BICD2: variants seen among roughly 807,000 people sequenced by gnomAD.
The protein encoded by BICD2 is BICD cargo adaptor 2.
BICD2 carries 25 observed loss-of-function variants against 72.9 expected under a neutral mutation model. The ratio of observed to expected loss-of-function variants is 0.34; its 90% confidence interval spans 0.25 to 0.48. The LOEUF (loss-of-function observed/expected upper bound fraction) is 0.48, where lower values mean the gene tolerates loss of function less well. BICD2 is among the 20% of genes least tolerant of loss of function. The pLI is 0.99. For missense variants in BICD2, 894 were observed against 1,175.2 expected (o/e 0.76, Z 3.50); for synonymous variants, 501 against 516.1 (o/e 0.97, Z 0.40).
At position 92,713,075 on chromosome 9, in the gene BICD2, A is replaced by C; in HGVS notation, c.*2079T>G. 4.5e-6 allele frequency: 1 copy of C among 221,702 alleles called. No homozygotes were observed. The allele number at this position is 221,702 out of a possible 1,614,324, so 13.7% of individuals were successfully genotyped here. ...ACCTGAGACCGTCTCTACGCGAGGA[A>C]TTAAGGAAGCAAATATAATATCAAA... On this transcript the variant is annotated 3_prime_UTR_variant, in exon 7 of 7. Transcript: ENST00000356884.
intron 1 of BICD2, among the ~76,000 whole-genome samples, chr9:92,744,605 G>A (rs1304779548): frequency 6.6e-6 from 1 of 152,172 alleles, no homozygotes; most frequent in Admixed American, 6.5e-5. Flanking sequence ...ACTTTGGGAG[G>A]CCGAGGCGGG....
At position 92,714,979 on chromosome 9, in the gene BICD2, C is replaced by T. The variant is rs1192550074; in HGVS notation, c.*175G>A. On this transcript the variant is annotated 3_prime_UTR_variant, in exon 7 of 7. Coordinates refer to ENST00000356884, the MANE Select transcript of BICD2 (RefSeq NM_001003800.2). ...TGAGGGGGCTTTGAGGAGTGAGAAGCGACACAAAGCTCTCACAAGTGTCCT... is the reference window on the plus strand; with the variant it reads ...TGAGGGGGCTTTGAGGAGTGAGAAGTGACACAAAGCTCTCACAAGTGTCCT... 2.4e-5 allele frequency: 34 copies of T among 1,402,514 alleles called. No individual in the cohort carries two copies. The East Asian group carries it at 4.5e-4, about 19-fold the overall frequency. 86.9% of individuals were successfully genotyped at this position (1,402,514 alleles called of 1,614,324 possible). A position where few individuals can be genotyped will look rare whatever the true frequency, so the allele number is the denominator to read the frequency against.
At chr9:92,722,926 C>T in intron 2 of BICD2, 118 bp from the exon 3 acceptor site, 1 of 1,300,700 alleles carries the variant, frequency 7.7e-7, no homozygotes, top group South Asian at 1.3e-5. Context: ...CCCTGGCCTG[C>T]AGGTGCCAGT....
chr9:92,718,449 G>C (rs1055063764), intron 5 of BICD2, 90 bp downstream of exon 5: 3 of 1,468,474 alleles, frequency 2.0e-6, no homozygotes, highest in African/African-American at 1.4e-5. Context: ...GCCTGGGGGG[G>C]CCCCGTGGCA....
In BICD2 at chr9:92,764,535, A is replaced by G; in HGVS notation, c.210T>C (p.Ala70=). The G allele has an allele frequency of 6.5e-7, 1 of 1,539,126 alleles. No homozygotes were observed. The highest frequency in any genetic ancestry group is 1.2e-5 in the South Asian group (1 of 82,388). The change falls in exon 1 of 7, where the codon GCT becomes GCC. Residue 70 remains alanine (A), a synonymous_variant. Coordinates refer to ENST00000356884, the MANE Select transcript of BICD2 (RefSeq NM_001003800.2). The surrounding 1 kb of genome is among the most constrained non-coding windows in gnomAD (Gnocchi z 5.5). The part of the protein sequence containing the change: ...QFEELEVDYE[A]IRSEMEQLKE... ...TGAGCTGCTCCATCTCGCTGCGGAT[A>G]GCCTCATAGTCCACCTCGAGCTCCT...
chr9:92,757,177 G>A (rs1331405973), intron 1 of BICD2, among the ~76,000 whole-genome samples: 1 of 152,134 alleles, frequency 6.6e-6, no homozygotes, highest in East Asian at 1.9e-4. Context: ...AGCCAGGTGT[G>A]GCAGTGTGCA....
chr9:92,742,088 TAAGTTGG>T (rs1484023574), intron 1 of BICD2, among the ~76,000 whole-genome samples: 1 of 152,196 alleles, frequency 6.6e-6, no homozygotes, highest in Admixed American at 6.5e-5. Flanking sequence ...AGACAGAATG[TAAGTTGG>T]AAGGTAAGAT....
At position 92,726,102 on chromosome 9, in the gene BICD2, TAG is replaced by T. The variant is rs140924037; in HGVS notation, c.453+2920_453+2921del. Among the ~76,000 whole-genome samples the T allele has an allele frequency of 4.6e-4, 70 of 152,220 alleles. 2 individuals are homozygous for T. In the East Asian group the frequency reaches 0.011, roughly 24 times the overall value. On this transcript the variant is annotated intron_variant, in intron 2 of 6. Coordinates refer to ENST00000356884, the MANE Select transcript of BICD2 (RefSeq NM_001003800.2). Reference sequence around the variant, plus strand: ...GTAGGGCCCACACATACACAGCGGTTAGAGTCAGGATCTGAGAAGCACCTCAC... The same window carrying T: ...GTAGGGCCCACACATACACAGCGGTTAGTCAGGATCTGAGAAGCACCTCAC...
At chr9:92,753,428 T>C (rs1854189825) in intron 1 of BICD2, among the ~76,000 whole-genome samples, 1 of 152,206 alleles carries the variant, frequency 6.6e-6, no homozygotes, top group Admixed American at 6.5e-5. Flanking sequence ...CAGCTGGGTG[T>C]GGGGTATACA....
Position 92,719,502 on chromosome 9 carries a change from T to C in BICD2, c.1143A>G (p.Ser381=). 5 of 1,613,914 alleles carry C rather than the reference T, an allele frequency of 3.1e-6. No individual in the cohort carries two copies. In the South Asian group the frequency reaches 5.5e-5, roughly 18 times the overall value. The change falls in exon 5 of 7, where the codon TCA becomes TCG. Residue 381 remains serine (S), a synonymous_variant. Coordinates refer to ENST00000356884, the MANE Select transcript of BICD2 (RefSeq NM_001003800.2). ...KQLEHTRGSL[S]EQQEKVTRLT... ...GGCGGGTCACCTTCTCCTGCTGTTC[T>C]GACAGGGAGCCCCGCGTGTGCTCCA...
Position 92,719,433 on chromosome 9 carries a change from C to T in BICD2, c.1212G>A (p.Lys404=), listed in dbSNP as rs1024172888. 2.5e-6 allele frequency: 4 copies of T among 1,614,054 alleles called. No homozygotes were observed. The highest frequency in any genetic ancestry group is 2.7e-5 in the African/African-American group (2 of 74,944). ...LSALRRLQAS[K]ERQTALDNEK... is the part of the protein sequence containing the mutation. ...CGTTGTCCAGGGCTGTCTGCCGCTC[C>T]TTGCTGGCCTGCAGGCGCCGCAGGG... The change falls in exon 5 of 7, where the codon AAG becomes AAA. Residue 404 remains lysine, a synonymous_variant. Coordinates refer to ENST00000356884, the MANE Select transcript of BICD2 (RefSeq NM_001003800.2).
intron 6 of BICD2, among the ~76,000 whole-genome samples, chr9:92,717,186 CAAGTT>C (rs1026340213): frequency 5.9e-5 from 9 of 152,322 alleles, no homozygotes; most frequent in African/African-American, 2.2e-4. Context: ...CTGTTGGCCC[CAAGTT>C]AAGTCCCTGT....
intron 1 of BICD2, among the ~76,000 whole-genome samples, chr9:92,748,401 G>C (rs1854060961): frequency 6.6e-6 from 1 of 152,204 alleles, no homozygotes; most frequent in Non-Finnish European, 1.5e-5. Context: ...TTCTGGAAGT[G>C]TAAACACTCC....
chr9:92,714,126 C>G lies in BICD2; in HGVS notation c.*1028G>C, dbSNP rs74317560. On this transcript the variant is annotated 3_prime_UTR_variant, in exon 7 of 7. Transcript: ENST00000356884. ...ACTAAATAAAGAGACCTAAACATCT[C>G]CTACCTGTGAATCCTGACAAGTGGC... 9.2e-5 allele frequency: 91 copies of G among 985,664 alleles called. 1 individual carries two copies. In the East Asian group the frequency reaches 9.0e-3, roughly 97 times the overall value. The allele number at this position is 985,664 out of a possible 1,614,324, so 61.1% of individuals were successfully genotyped here.
intron 1 of BICD2, among the ~76,000 whole-genome samples, chr9:92,739,452 G>C (rs549612993): frequency 2.1e-4 from 32 of 152,288 alleles, no homozygotes; most frequent in African/African-American, 7.5e-4. Context: ...AGTATCCCAG[G>C]CTCTCTATTC....
intron 1 of BICD2, among the ~76,000 whole-genome samples, chr9:92,732,118 G>A (rs989679972): frequency 1.3e-5 from 2 of 152,162 alleles, no homozygotes; most frequent in Non-Finnish European, 2.9e-5. Flanking sequence ...AGGCAAAGGC[G>A]CACAAATGAG....
chr9:92,736,369 C>A (rs753305829), intron 1 of BICD2, among the ~76,000 whole-genome samples: 9 of 152,126 alleles, frequency 5.9e-5, no homozygotes, highest in Non-Finnish European at 1.3e-4. Flanking sequence ...ATGCCATGGC[C>A]CTGTGATGGC....
intron 1 of BICD2, among the ~76,000 whole-genome samples, chr9:92,741,763 T>C (rs149849810): frequency 3.9e-4 from 59 of 152,324 alleles, no homozygotes; most frequent in African/African-American, 1.4e-3. Flanking sequence ...AGGACTACAC[T>C]CTCACCACAC....
rs1422225010 is a variant in BICD2 at position 92,717,901 on chromosome 9, C to T, written c.2154G>A (p.Glu718=). ...TCATGGTCTCGGTAACCATGGCCTT[C>T]TCATTCTCATACTTGCTCTTCAGGT... is the stretch of plus-strand genomic sequence containing the variant. ...LANLKSKYEN[E]KAMVTETMMK... Residue 718 remains glutamate, a synonymous_variant, in exon 6 of 7, where the codon GAG becomes GAA. Coordinates refer to ENST00000356884, the MANE Select transcript of BICD2 (RefSeq NM_001003800.2). The T allele has an allele frequency of 1.9e-6, 3 of 1,613,540 alleles. No individual in the cohort carries two copies. Among genetic ancestry groups the T allele is most frequent in the East Asian group, 4.5e-5 (2 of 44,892 alleles).
Sources: allele counts gnomAD v4.1 joint callset (sites outside exome capture counted in the v4.1 genomes callset), GRCh38; gene constraint gnomAD v4.1.1; non-coding constraint Gnocchi (gnomAD v3.1); transcripts MANE v1.5; gene names NCBI Gene and HGNC (gene_info 2026-07-23, HGNC 2026-07-21).